Variants in MACROD1 observed in about 807,000 individuals in gnomAD.
MACROD1 encodes the protein mono-ADP ribosylhydrolase 1.
Under a neutral mutation model 41.4 loss-of-function variants are expected in MACROD1, and 31 were observed. The observed-to-expected ratio is 0.75, with a 90% CI of 0.56 to 1.01. MACROD1 has a LOEUF of 1.01. Ranked by LOEUF, MACROD1 falls within the 50% of genes least tolerant of loss-of-function variation. The probability of loss-of-function intolerance (pLI) is 0.00; values close to 1 mark genes in which losing one functional copy is unlikely to be tolerated. For missense variants in MACROD1, 473 were observed against 460.0 expected (o/e 1.03, Z -0.26); for synonymous variants, 252 against 203.4 (o/e 1.24, Z -2.03).
chr11:64,015,224 C>A, intron 4 of MACROD1, 28 bp downstream of exon 4: 1 of 1,579,498 alleles, frequency 6.3e-7, no homozygotes. Flanking sequence ...CCACACCCCA[C>A]CCCCACCAAG....
rs1262805816 is a variant in MACROD1 at position 64,165,807 on chromosome 11, G to A, written c.188C>T (p.Ala63Val). The change falls in exon 1 of 11, where the codon GCG becomes GTG. Residue 63 changes from alanine to valine, a missense_variant. Physicochemically the swap from Ala to Val is moderately conservative, Grantham distance 64. Transcript: ENST00000255681. Reference sequence around the variant, plus strand: ...CCGCCCCACCGCCGCCGCCCCCCACGCCCCAACTCCCGCCGAGGTCCGCGC... The same window carrying A: ...CCGCCCCACCGCCGCCGCCCCCCACACCCCAACTCCCGCCGAGGTCCGCGC... ...RRARTSAGVG[A>V]WGAAAVGRTA... The A allele has an allele frequency of 6.7e-7, 1 of 1,486,280 alleles. No homozygotes were observed. Among genetic ancestry groups the A allele is most frequent in the Non-Finnish European group, 8.9e-7 (1 of 1,120,432 alleles). The allele number at this position is 1,486,280 out of a possible 1,614,324, so 92.1% of individuals were successfully genotyped here. A position where few individuals can be genotyped will look rare whatever the true frequency, so the allele number is the denominator to read the frequency against.
chr11:64,005,378 G>C (rs952135323), intron 4 of MACROD1, among the ~76,000 whole-genome samples: 7 of 152,276 alleles, frequency 4.6e-5, no homozygotes, highest in Non-Finnish European at 1.0e-4. Context: ...TAGGCTCAGA[G>C]AGGCAAAGCC....
At chr11:64,014,244 G>A (rs1165206938) in intron 4 of MACROD1, among the ~76,000 whole-genome samples, 1 of 152,060 alleles carries the variant, frequency 6.6e-6, no homozygotes, top group Non-Finnish European at 1.5e-5. Context: ...CTGTTTTCAG[G>A]ACCACAGTCC....
chr11:64,145,041 C>T (rs544254467), intron 3 of MACROD1, among the ~76,000 whole-genome samples: 4 of 152,320 alleles, frequency 2.6e-5, no homozygotes, highest in Admixed American at 2.0e-4. Flanking sequence ...CCAGGCTCTG[C>T]TGGGCCCTCC....
intron 3 of MACROD1, among the ~76,000 whole-genome samples, chr11:64,077,211 C>A (rs715163): frequency 0.53 from 80,360 of 151,974 alleles, 22,834 homozygotes; most frequent in Non-Finnish European, 0.63. Context: ...CCAGGAGGAG[C>A]TACCTGGAAA....
chr11:64,109,277 C>G (rs1212211013), intron 3 of MACROD1, among the ~76,000 whole-genome samples: 1 of 152,156 alleles, frequency 6.6e-6, no homozygotes, highest in Non-Finnish European at 1.5e-5. Flanking sequence ...GAGCAGCAGA[C>G]AGTGGGCCAT....
chr11:64,097,479 G>A (rs1210627626), intron 3 of MACROD1, among the ~76,000 whole-genome samples: 2 of 152,252 alleles, frequency 1.3e-5, no homozygotes, highest in African/African-American at 4.8e-5. Flanking sequence ...TGCCTGCTGA[G>A]TTTCTCTGAT....
chr11:64,008,058 C>G (rs479975), intron 4 of MACROD1, among the ~76,000 whole-genome samples: 42,127 of 152,204 alleles, frequency 0.28, 7,426 homozygotes, highest in Non-Finnish European at 0.39. Context: ...CAGAGCAGGG[C>G]GCGGAGCGCT....
intron 3 of MACROD1, chr11:64,086,960 C>T (rs1362725171): frequency 6.6e-6 from 1 of 152,148 alleles, no homozygotes; most frequent in African/African-American, 2.4e-5. Context: ...GAAGAGAAGC[C>T]TTTTGACGCA....
intron 3 of MACROD1, among the ~76,000 whole-genome samples, chr11:64,126,080 T>C (rs912894830): frequency 2.6e-5 from 4 of 152,104 alleles, no homozygotes; most frequent in African/African-American, 9.7e-5. Flanking sequence ...CTCGGGCTAG[T>C]CCCATTTTCA....
chr11:64,154,710 T>C (rs746342278), intron 1 of MACROD1, among the ~76,000 whole-genome samples: 8 of 152,338 alleles, frequency 5.3e-5, no homozygotes, highest in Middle Eastern at 3.4e-3. Flanking sequence ...AGTTTGCTTT[T>C]GTTTACACTT....
chr11:64,046,714 GCCTTGAACTCCTGA>G (rs71045727), intron 3 of MACROD1, among the ~76,000 whole-genome samples: 36,304 of 152,032 alleles, frequency 0.24, 4,503 homozygotes, highest in Non-Finnish European at 0.25. Context: ...GGTCAGGCTG[GCCTTGAACTCCTGA>G]CCTTGAGTAA....
At chr11:64,134,522 T>G (rs1052100863) in intron 3 of MACROD1, among the ~76,000 whole-genome samples, 1 of 152,186 alleles carries the variant, frequency 6.6e-6, no homozygotes, top group Non-Finnish European at 1.5e-5. Context: ...CCGCTGAGAC[T>G]TGCTGTGAGC....
chr11:64,071,240 C>G (rs529358912), intron 3 of MACROD1, among the ~76,000 whole-genome samples: 43 of 152,060 alleles, frequency 2.8e-4, no homozygotes, highest in African/African-American at 1.0e-3. Flanking sequence ...TGTCAGGTAC[C>G]TCTCTCTCTC....
chr11:64,156,560 G>A (rs1197841231), intron 1 of MACROD1, among the ~76,000 whole-genome samples: 1 of 152,200 alleles, frequency 6.6e-6, no homozygotes, highest in Non-Finnish European at 1.5e-5. Flanking sequence ...ATATCATCTG[G>A]CAGATGCCAC....
chr11:64,147,215 C>T (rs1050622529), intron 3 of MACROD1, among the ~76,000 whole-genome samples: 19 of 150,796 alleles, frequency 1.3e-4, no homozygotes, highest in Non-Finnish European at 2.7e-4. Context: ...CAGGCATGCA[C>T]CACCACACCC....
At chr11:64,136,676 C>T (rs913791553) in intron 3 of MACROD1, among the ~76,000 whole-genome samples, 1 of 152,246 alleles carries the variant, frequency 6.6e-6, no homozygotes, top group South Asian at 2.1e-4. Context: ...CCGCCACCGA[C>T]CTGTGAGGGA....
At chr11:64,022,138 G>T (rs76033549) in intron 3 of MACROD1, among the ~76,000 whole-genome samples, 6,471 of 151,930 alleles carry the variant, frequency 0.043, 483 homozygotes, top group African/African-American at 0.15. Context: ...CCCCTGGGGG[G>T]CCTTGAGAGC....
chr11:64,143,725 T>G (rs1945446137), intron 3 of MACROD1, among the ~76,000 whole-genome samples: 1 of 137,558 alleles, frequency 7.3e-6, no homozygotes, highest in Non-Finnish European at 1.5e-5. Context: ...AGAGGAGGTA[T>G]TCCCTTCCCC....
Sources: gnomAD v4.1 joint callset for allele counts (sites outside exome capture counted in the v4.1 genomes callset) on GRCh38, gnomAD v4.1.1 for gene constraint, MANE v1.5 for transcripts, NCBI Gene and HGNC (gene_info 2026-07-23, HGNC 2026-07-21) for gene names.